ZNF518B: variants seen among roughly 807,000 people sequenced by gnomAD.
ZNF518B encodes the protein zinc finger protein 518B.
Under a neutral mutation model 56.3 loss-of-function variants are expected in ZNF518B, and 23 were observed. The observed-to-expected ratio is 0.41, with a 90% CI of 0.29 to 0.58. The LOEUF is 0.58. Among genes scored for constraint, ZNF518B ranks in the 20% least tolerant of loss-of-function variants. The pLI, the probability that ZNF518B is intolerant of heterozygous loss-of-function variation, is 0.32. For missense variants in ZNF518B, 1,460 were observed against 1,272.1 expected (o/e 1.15, Z -2.25); for synonymous variants, 529 against 465.9 (o/e 1.14, Z -1.74).
At position 10,444,592 on chromosome 4, in the gene ZNF518B, T is replaced by G; in HGVS notation, c.1737A>C (p.Glu579Asp). Residue 579 changes from glutamate (E) to aspartate (D), a missense_variant, in exon 3 of 3, where the codon GAA becomes GAC. Physicochemically the swap from Glu to Asp is conservative, Grantham distance 45 (BLOSUM62 2). Transcript: ENST00000326756. ...GGCCTACAGTTGAAACTGCCTTGTG[T>G]TCCTCTGTCTGGTTATCTTCCTGCT... ...NRKQEDNQTE[E>D]HKAVSTVGQI... is the part of the protein sequence containing the mutation. 7.4e-6 allele frequency: 12 copies of G among 1,613,908 alleles called. No individual in the cohort carries two copies. The highest frequency in any genetic ancestry group is 1.0e-5 in the Non-Finnish European group (12 of 1,179,790).
chr4:10,442,682 C>A lies in ZNF518B; in HGVS notation c.*422G>T. The A allele has an allele frequency of 6.3e-6, 1 of 159,462 alleles. No homozygotes were observed. 9.9% of individuals were successfully genotyped at this position (159,462 alleles called of 1,614,324 possible). On this transcript the variant is annotated 3_prime_UTR_variant, in exon 3 of 3. Transcript: ENST00000326756. ...CTCAGAACACAAATTAAAGCAAAAA[C>A]AAAATGGATGTGCACACCAAAACAA...
Position 10,442,979 on chromosome 4 carries a change from A to G in ZNF518B, c.*125T>C, listed in dbSNP as rs1366348735. Reference sequence around the variant, plus strand: ...CAGACTCCTAGCTCCCAATATTCCTACAGTTCTGAAGAATTAGCAGTCCTC... The same window carrying G: ...CAGACTCCTAGCTCCCAATATTCCTGCAGTTCTGAAGAATTAGCAGTCCTC... On this transcript the variant is annotated 3_prime_UTR_variant, in exon 3 of 3. Transcript: ENST00000326756. 2 of 842,080 alleles carry G rather than the reference A, an allele frequency of 2.4e-6. No homozygotes were observed. The highest frequency in any genetic ancestry group is 3.6e-6 in the Non-Finnish European group (2 of 558,002). The allele number at this position is 842,080 out of a possible 1,614,324, so 52.2% of individuals were successfully genotyped here.
rs372651158 is a variant in ZNF518B, at chr4:10,444,653, A to T, written c.1676T>A (p.Val559Asp). The change falls in exon 3 of 3, where the codon GTC becomes GAC. Residue 559 changes from valine to aspartate, a missense_variant. Physicochemically the swap from Val to Asp is radical, Grantham distance 152. Transcript: ENST00000326756. ...GGAAACCACTTTTACAGGAATATTG[A>T]CTTTACTTGTAGATTCCAAGTCATT... ...SENDLESTSK[V>D]NIPVKVVSSN... 6.2e-7 allele frequency: 1 copy of T among 1,614,186 alleles called. No individual in the cohort carries two copies. Among genetic ancestry groups the T allele is most frequent in the African/African-American group, 1.3e-5 (1 of 75,060 alleles).
intron 2 of ZNF518B, chr4:10,453,030 C>G (rs766357204): frequency 1.3e-5 from 2 of 152,122 alleles, no homozygotes; most frequent in Non-Finnish European, 2.9e-5. Context: ...GACCTTGGGA[C>G]AAGAAGAACA....
chr4:10,445,223 T>C lies in ZNF518B; in HGVS notation c.1106A>G (p.Asn369Ser). Residue 369 changes from asparagine to serine, a missense_variant, in exon 3 of 3, where the codon AAT becomes AGT. By Grantham distance (46) the Asn-to-Ser change is conservative (BLOSUM62 1). Transcript: ENST00000326756. ...LVLKLFPLEE[N>S]NCLEAGRDNG... ...ATCCCTCCCAGCTTCAAGGCAATTA[T>C]TTTCTTCCAGCGGAAACAGTTTCAG... 1 of 1,614,210 alleles carries C rather than the reference T, an allele frequency of 6.2e-7. No homozygotes were observed. The highest frequency in any genetic ancestry group is 8.5e-7 in the Non-Finnish European group (1 of 1,180,046).
chr4:10,459,972 TG>T (rs1221680080), upstream of ZNF518B, among the ~76,000 whole-genome samples: 2 of 152,026 alleles, frequency 1.3e-5, no homozygotes, highest in South Asian at 4.2e-4. Flanking sequence ...GTATAAGATT[TG>T]GGAGCCAACG....
At chr4:10,446,861 T>C (rs140905969) in intron 2 of ZNF518B, among the ~76,000 whole-genome samples, 38 of 152,328 alleles carry the variant, frequency 2.5e-4, no homozygotes, top group African/African-American at 8.9e-4. Context: ...TGAGCACATC[T>C]TTCATAGGTA....
intron 1 of ZNF518B, 77 bp from the exon 2 acceptor site, chr4:10,455,065 G>A (rs949774539): frequency 6.6e-6 from 1 of 152,202 alleles, no homozygotes; most frequent in African/African-American, 2.4e-5. Context: ...TGAAGATAAG[G>A]GGAATGAGCC....
At chr4:10,448,158 T>A (rs1715151276) in intron 2 of ZNF518B, among the ~76,000 whole-genome samples, 1 of 152,148 alleles carries the variant, frequency 6.6e-6, no homozygotes, top group Non-Finnish European at 1.5e-5. Flanking sequence ...GCCGCCATGA[T>A]GATTAGAATG....
intron 2 of ZNF518B, chr4:10,451,917 GATAA>G (rs1322249538): frequency 1.3e-4 from 20 of 152,198 alleles, no homozygotes; most frequent in African/African-American, 4.8e-4. Context: ...GTGTTTCTGT[GATAA>G]ATGTTAATGT....
At chr4:10,451,950 G>A (rs1201809642) in intron 2 of ZNF518B, 1 of 152,188 alleles carries the variant, frequency 6.6e-6, no homozygotes, top group Non-Finnish European at 1.5e-5. Context: ...AAGGTGGGTG[G>A]CCAATTATAT....
At chr4:10,455,289 T>A (rs1306459541) in intron 1 of ZNF518B, among the ~76,000 whole-genome samples, 14 of 152,216 alleles carry the variant, frequency 9.2e-5, no homozygotes, top group Admixed American at 7.2e-4. Flanking sequence ...GTAGCTGCTT[T>A]CACTCCAAGG....
rs748525805 is a variant in ZNF518B, at chr4:10,444,590, T to C, written c.1739A>G (p.His580Arg). Reference sequence around the variant, plus strand: ...CTGGCCTACAGTTGAAACTGCCTTGTGTTCCTCTGTCTGGTTATCTTCCTG... The same window carrying C: ...CTGGCCTACAGTTGAAACTGCCTTGCGTTCCTCTGTCTGGTTATCTTCCTG... ...RKQEDNQTEE[H>R]KAVSTVGQIS... The change falls in exon 3 of 3, where the codon CAC becomes CGC. Residue 580 changes from histidine to arginine, a missense_variant. Coordinates refer to ENST00000326756, the MANE Select transcript of ZNF518B (RefSeq NM_053042.3). The C allele has an allele frequency of 3.7e-6, 6 of 1,613,828 alleles. No homozygotes were observed. Among genetic ancestry groups the C allele is most frequent in the African/African-American group, 1.3e-5 (1 of 74,942 alleles).
In ZNF518B at chr4:10,445,786, CAAATGCCTCTGAA is replaced by C; in HGVS notation, c.530_542del (p.Phe177TrpfsTer2). ...AAGGAAATATGCCTGTGTGTTTCACCAAATGCCTCTGAAACTCTCCTTTCGTATACGAAATGTA... is the reference window on the plus strand; with the variant it reads ...AAGGAAATATGCCTGTGTGTTTCACCACTCTCCTTTCGTATACGAAATGTA... On this transcript the variant is annotated frameshift_variant, in exon 3 of 3. Transcript: ENST00000326756. LOFTEE classifies it low-confidence loss of function (END_TRUNC). The C allele has an allele frequency of 1.2e-6, 2 of 1,614,194 alleles. No individual in the cohort carries two copies. The highest frequency in any genetic ancestry group is 1.7e-6 in the Non-Finnish European group (2 of 1,180,026).
rs1264513429 is a variant in ZNF518B, at chr4:10,446,443, T to G, written c.-115A>C. On this transcript the variant is annotated 5_prime_UTR_variant, in exon 3 of 3. Coordinates refer to ENST00000326756, the MANE Select transcript of ZNF518B (RefSeq NM_053042.3). The stretch of plus-strand genomic sequence containing the variant: ...GATGGGTAGGGGCGCAGCTACTTCT[T>G]GGGTGCATACTTAATTATCTTTCTT... The G allele has an allele frequency of 1.1e-6, 1 of 948,390 alleles. No individual in the cohort carries two copies. The highest frequency in any genetic ancestry group is 1.6e-5 in the African/African-American group (1 of 60,640). The allele number at this position is 948,390 out of a possible 1,614,324, so 58.7% of individuals were successfully genotyped here.
rs1328343217 is a variant in ZNF518B at position 10,443,177 on chromosome 4, C to T, written c.3152G>A (p.Trp1051Ter). Residue 1051 changes from tryptophan to a stop codon, truncating the protein, a stop_gained, in exon 3 of 3, where the codon TGG (tryptophan) becomes TAG (stop). Transcript: ENST00000326756. LOFTEE classifies it high-confidence loss of function. ...CGRLYEDQEEWMSHGQRHLIE... is the reference protein window; with the variant it reads ...CGRLYEDQEE Reference sequence around the variant, plus strand: ...CAAATGCCGTTGGCCATGACTCATCCACTCTTCCTGGTCTTCATACAGTCG... The same window carrying T: ...CAAATGCCGTTGGCCATGACTCATCTACTCTTCCTGGTCTTCATACAGTCG... 2 of 1,614,092 alleles carry T rather than the reference C, an allele frequency of 1.2e-6. No individual in the cohort carries two copies. Among genetic ancestry groups the T allele is most frequent in the Non-Finnish European group, 8.5e-7 (1 of 1,180,042 alleles).
Position 10,450,402 on chromosome 4 carries a change from CT to C in ZNF518B, c.-211-3864del, listed in dbSNP as rs1184370276. Among the ~76,000 whole-genome samples the C allele has an allele frequency of 2.0e-5, 3 of 152,344 alleles. No homozygotes were observed. In the East Asian group the frequency reaches 5.8e-4, roughly 29 times the overall value. On this transcript the variant is annotated intron_variant, in intron 2 of 2. Coordinates refer to ENST00000326756, the MANE Select transcript of ZNF518B (RefSeq NM_053042.3). ...TTCATAACAAGTAGATGGGAGTTCT[CT>C]TTGGCCTTTGTAACCTGTGTCTAGT...
Position 10,442,129 on chromosome 4 carries a change from G to A in ZNF518B, c.*975C>T, listed in dbSNP as rs766875046. On this transcript the variant is annotated 3_prime_UTR_variant, in exon 3 of 3. Transcript: ENST00000326756. The stretch of plus-strand genomic sequence containing the variant: ...GTCCATGAATCAAAGGGATCAAGAA[G>A]AGAGAAGACAGCATCCACCCATGGT... 4.6e-5 allele frequency: 7 copies of A among 152,216 alleles called. No individual in the cohort carries two copies. Among genetic ancestry groups the A allele is most frequent in the Non-Finnish European group, 1.0e-4 (7 of 68,054 alleles). The allele number at this position is 152,216 out of a possible 1,614,324, so 9.4% of individuals were successfully genotyped here. A position where few individuals can be genotyped will look rare whatever the true frequency, so the allele number is the denominator to read the frequency against.
At position 10,445,093 on chromosome 4, in the gene ZNF518B, A is replaced by G; in HGVS notation, c.1236T>C (p.Val412=). Reference sequence around the variant, plus strand: ...AACTATCAATGCCTACGAGTTTTCCAACATTCCCGTCAACTGTCAGTGACT... The same window carrying G: ...AACTATCAATGCCTACGAGTTTTCCGACATTCCCGTCAACTGTCAGTGACT... ...KTKSLTVDGN[V]GKLVGIDSFQ... is the part of the protein sequence containing the mutation. Residue 412 remains valine (V), a synonymous_variant, in exon 3 of 3, where the codon GTT becomes GTC. Coordinates refer to ENST00000326756, the MANE Select transcript of ZNF518B (RefSeq NM_053042.3). The G allele has an allele frequency of 6.2e-7, 1 of 1,614,218 alleles. No homozygotes were observed. The highest frequency in any genetic ancestry group is 8.5e-7 in the Non-Finnish European group (1 of 1,180,022).
Sources: allele counts gnomAD v4.1 joint callset (sites outside exome capture counted in the v4.1 genomes callset), GRCh38; gene constraint gnomAD v4.1.1; transcripts MANE v1.5; gene names NCBI Gene and HGNC (gene_info 2026-07-23, HGNC 2026-07-21).